GRIK4: variants seen among roughly 807,000 people sequenced by gnomAD.
GRIK4 encodes the protein glutamate receptor ionotropic, kainate 4.
GRIK4 carries 40 observed loss-of-function variants against 104.9 expected under a neutral mutation model. The ratio of observed to expected loss-of-function variants is 0.38; its 90% confidence interval spans 0.30 to 0.50. The LOEUF (loss-of-function observed/expected upper bound fraction) is 0.50. Ranked by LOEUF, GRIK4 falls within the 20% of genes least tolerant of loss-of-function variation. The pLI, the probability that GRIK4 is intolerant of heterozygous loss-of-function variation, is 0.93. For synonymous variants in GRIK4, 485 were observed against 524.9 expected (o/e 0.92, Z 1.04); for missense variants, 1,047 against 1,308.1 (o/e 0.80, Z 3.08).
intron 11 of GRIK4, 91 bp downstream of exon 11, chr11:120,875,334 G>T: frequency 1.2e-6 from 1 of 822,530 alleles, no homozygotes. Context: ...CCTGCTCCCA[G>T]TTATCCCCAA....
At chr11:120,623,426 C>T (rs1340183446) in intron 1 of GRIK4, among the ~76,000 whole-genome samples, 1 of 152,114 alleles carries the variant, frequency 6.6e-6, no homozygotes, top group Non-Finnish European at 1.5e-5. Context: ...AACCACCGCA[C>T]CCGGCCCCCT....
chr11:120,663,837 A>G (rs1186607796), intron 3 of GRIK4, among the ~76,000 whole-genome samples: 2 of 152,048 alleles, frequency 1.3e-5, no homozygotes, highest in Non-Finnish European at 2.9e-5. Context: ...CTCCATCACC[A>G]TCAGCTTAAA....
intron 3 of GRIK4, among the ~76,000 whole-genome samples, chr11:120,719,684 C>T (rs940257525): frequency 7.2e-5 from 11 of 152,160 alleles, no homozygotes; most frequent in African/African-American, 2.7e-4. Context: ...ACTCTTTCTC[C>T]CACTGTAAAG....
intron 8 of GRIK4, among the ~76,000 whole-genome samples, chr11:120,856,447 G>C (rs918852091): frequency 6.6e-6 from 1 of 152,180 alleles, no homozygotes; most frequent in African/African-American, 2.4e-5. Context: ...AGCAGCTATT[G>C]CAGAGGAGAA....
At chr11:120,541,278 A>T (rs1211562591) in intron 1 of GRIK4, among the ~76,000 whole-genome samples, 1 of 152,188 alleles carries the variant, frequency 6.6e-6, no homozygotes, top group East Asian at 1.9e-4. Flanking sequence ...CCAGCATCAC[A>T]CTTTGAACAG....
At chr11:120,672,028 C>T (rs1950026649) in intron 3 of GRIK4, among the ~76,000 whole-genome samples, 1 of 152,166 alleles carries the variant, frequency 6.6e-6, no homozygotes, top group South Asian at 2.1e-4. Flanking sequence ...GTTACTGTAG[C>T]CTTGTAGTAT....
In GRIK4 at chr11:120,816,189, T is replaced by C. The variant is rs541192896; in HGVS notation, c.345+714T>C. Among the ~76,000 whole-genome samples, 3 of 152,208 alleles carry C rather than the reference T, an allele frequency of 2.0e-5. No individual in the cohort carries two copies. The South Asian group carries it at 6.2e-4, about 32-fold the overall frequency. On this transcript the variant is annotated intron_variant, in intron 5 of 20. Transcript: ENST00000527524. The stretch of plus-strand genomic sequence containing the variant: ...TTCTGCCAACTCTCCCCCTCCTTTT[T>C]CCCCAGAGAAGACAAACTCAGAAAT...
At chr11:120,634,313 G>T (rs1383299072) in intron 1 of GRIK4, among the ~76,000 whole-genome samples, 2 of 152,148 alleles carry the variant, frequency 1.3e-5, no homozygotes, top group African/African-American at 4.8e-5. Flanking sequence ...CCTACTCAGT[G>T]CCAGGGCTAT....
chr11:120,743,077 A>G (rs1009351740), intron 3 of GRIK4, among the ~76,000 whole-genome samples: 4 of 152,098 alleles, frequency 2.6e-5, no homozygotes, highest in Non-Finnish European at 1.5e-5. Flanking sequence ...CTGAAAATAC[A>G]AAAATTGTCA....
chr11:120,748,923 G>C lies in GRIK4; in HGVS notation c.83-53770G>C, dbSNP rs557568224. 1.2e-3 allele frequency among the ~76,000 whole-genome samples: 187 copies of C among 152,288 alleles called. 1 individual carries two copies. In the South Asian group the frequency reaches 0.014, roughly 11 times the overall value. ...TTTCTAAGGTCTCCTCAAAAATAGT[G>C]GTGCTACAGCCACAAAGCCAAGTCA... On this transcript the variant is annotated intron_variant, in intron 3 of 20. Coordinates refer to ENST00000527524, the MANE Select transcript of GRIK4 (RefSeq NM_014619.5).
intron 3 of GRIK4, among the ~76,000 whole-genome samples, chr11:120,740,251 G>A (rs1401745223): frequency 6.6e-6 from 1 of 152,196 alleles, no homozygotes; most frequent in Non-Finnish European, 1.5e-5. Flanking sequence ...ATAGCATGGG[G>A]TTGTAGTTAG....
chr11:120,836,998 T>G (rs1953590856), intron 8 of GRIK4, among the ~76,000 whole-genome samples, 154 bp downstream of exon 8: 1 of 152,134 alleles, frequency 6.6e-6, no homozygotes, highest in Admixed American at 6.5e-5. Context: ...TCCTGGAAAT[T>G]CTCATCCCAA....
At chr11:120,733,997 A>G (rs1385143292) in intron 3 of GRIK4, among the ~76,000 whole-genome samples, 2 of 151,974 alleles carry the variant, frequency 1.3e-5, no homozygotes, top group Non-Finnish European at 2.9e-5. Flanking sequence ...CAGCTTCCCA[A>G]AGTGCTGGGA....
chr11:120,540,361 C>T (rs1003732659), intron 1 of GRIK4, among the ~76,000 whole-genome samples: 3 of 152,190 alleles, frequency 2.0e-5, no homozygotes, highest in African/African-American at 7.2e-5. Flanking sequence ...CGGCTCATGC[C>T]TGTAATCCCA....
At chr11:120,913,224 C>T (rs1198238002) in intron 13 of GRIK4, among the ~76,000 whole-genome samples, 1 of 152,078 alleles carries the variant, frequency 6.6e-6, no homozygotes, top group African/African-American at 2.4e-5. Context: ...ACGGTCTTTC[C>T]CTGCAGAAAT....
In GRIK4 at chr11:120,668,261, TAAGA is replaced by T. The variant is rs148372402; in HGVS notation, c.82+7872_82+7875del. Among the ~76,000 whole-genome samples the T allele has an allele frequency of 9.1e-3, 523 of 57,460 alleles. 2 individuals are homozygous for T. Among genetic ancestry groups the T allele is most frequent in the African/African-American group, 0.032 (469 of 14,536 alleles). The allele number at this position is 57,460 out of a possible 152,430, so 37.7% of individuals were successfully genotyped here. A position where few individuals can be genotyped will look rare whatever the true frequency, so the allele number is the denominator to read the frequency against. On this transcript the variant is annotated intron_variant, in intron 3 of 20. Coordinates refer to ENST00000527524, the MANE Select transcript of GRIK4 (RefSeq NM_014619.5). The stretch of plus-strand genomic sequence containing the variant: ...GAGATAGGTAGGCAGATGAAAGAAA[TAAGA>T]AAGAAAGAAAAAAGAGAGAAAGAGA...
intron 1 of GRIK4, among the ~76,000 whole-genome samples, chr11:120,558,448 T>C (rs1436570116): frequency 6.6e-6 from 1 of 151,654 alleles, no homozygotes; most frequent in African/African-American, 2.4e-5. Flanking sequence ...ATTAGCTGGG[T>C]GTGGTGGTGT....
chr11:120,708,402 C>A (rs1243349651), intron 3 of GRIK4, among the ~76,000 whole-genome samples: 1 of 152,124 alleles, frequency 6.6e-6, no homozygotes, highest in Non-Finnish European at 1.5e-5. Context: ...CTCAGCTCCA[C>A]AGAGGTCCCT....
chr11:120,520,979 C>T (rs150788295), intron 1 of GRIK4, among the ~76,000 whole-genome samples: 115 of 152,286 alleles, frequency 7.6e-4, no homozygotes, highest in Non-Finnish European at 1.5e-3. Context: ...TTGGGCGGGG[C>T]ACGGGATATG....
Sources: allele counts gnomAD v4.1 joint callset (sites outside exome capture counted in the v4.1 genomes callset), GRCh38; gene constraint gnomAD v4.1.1; transcripts MANE v1.5; gene names NCBI Gene and HGNC (gene_info 2026-07-23, HGNC 2026-07-21).